DKK3: variants seen among roughly 807,000 people sequenced by gnomAD.
DKK3 encodes the protein dickkopf Wnt signaling pathway inhibitor 3, also known as dickkopf-related protein 3.
In DKK3, 22 loss-of-function variants were observed where a neutral mutation model predicts 33.2. The observed-to-expected ratio is 0.66, with a 90% CI of 0.47 to 0.95. The LOEUF (loss-of-function observed/expected upper bound fraction) is 0.95. Ranked by LOEUF, DKK3 falls within the 40% of genes least tolerant of loss-of-function variation. The probability of loss-of-function intolerance (pLI) is 0.00; values close to 1 mark genes in which losing one functional copy is unlikely to be tolerated. For missense variants in DKK3, 398 were observed against 458.4 expected (o/e 0.87, Z 1.20); for synonymous variants, 194 against 188.8 (o/e 1.03, Z -0.23).
chr11:11,979,345 G>T (rs142394541), intron 3 of DKK3, among the ~76,000 whole-genome samples: 1 of 152,208 alleles, frequency 6.6e-6, no homozygotes, highest in South Asian at 2.1e-4. Context: ...GACCTACAGC[G>T]TCTGGATGCA....
At chr11:11,995,563 T>A (rs1848275134) in intron 3 of DKK3, among the ~76,000 whole-genome samples, 1 of 152,238 alleles carries the variant, frequency 6.6e-6, no homozygotes, top group Non-Finnish European at 1.5e-5. Context: ...AGTTGGATTT[T>A]AAAGAGGATG....
intron 3 of DKK3, among the ~76,000 whole-genome samples, chr11:11,971,084 G>A (rs1014548370): frequency 2.1e-5 from 3 of 143,196 alleles, no homozygotes; most frequent in Non-Finnish European, 4.5e-5. Context: ...ATAGTTAAAT[G>A]TATATGTCCT....
intron 3 of DKK3, among the ~76,000 whole-genome samples, chr11:11,994,126 G>A (rs558976437): frequency 6.6e-6 from 1 of 152,258 alleles, no homozygotes; most frequent in African/African-American, 2.4e-5. Flanking sequence ...GAGGAAAGAC[G>A]CCTGTGCCTG....
intron 3 of DKK3, among the ~76,000 whole-genome samples, chr11:11,977,345 C>G (rs1190797705): frequency 1.3e-5 from 2 of 152,204 alleles, no homozygotes; most frequent in African/African-American, 4.8e-5. Context: ...GGAGCCTTCT[C>G]TCTTTGTCGG....
At chr11:11,982,495 T>C (rs1376773402) in intron 3 of DKK3, among the ~76,000 whole-genome samples, 3 of 152,210 alleles carry the variant, frequency 2.0e-5, no homozygotes, top group Non-Finnish European at 4.4e-5. Flanking sequence ...CAAATAGCAC[T>C]CTGGCTCATG....
rs548980596 is a variant in DKK3, at chr11:12,008,025, C to T, written c.213+345G>A. Among the ~76,000 whole-genome samples the T allele has an allele frequency of 6.6e-6, 1 of 152,326 alleles. No individual in the cohort carries two copies. Among genetic ancestry groups the T allele is most frequent in the African/African-American group, 2.4e-5 (1 of 41,570 alleles). On this transcript the variant is annotated intron_variant, in intron 1 of 6. Transcript: ENST00000683431. The surrounding 1 kb of genome is among the most constrained non-coding windows in gnomAD (Gnocchi z 4.6). ...CCCGGGTTTCTGTGAAACCACAGTG[C>T]TGGAATACCAGGGGCCCTGCAAACC...
At chr11:12,003,735 TA>T (rs1848478476) in intron 1 of DKK3, among the ~76,000 whole-genome samples, 1 of 147,842 alleles carries the variant, frequency 6.8e-6, no homozygotes, top group Non-Finnish European at 1.5e-5. Context: ...GGGCTATTTT[TA>T]TTTTTTTTTT....
intron 1 of DKK3, among the ~76,000 whole-genome samples, chr11:12,006,057 C>T (rs1848529761): frequency 1.3e-5 from 2 of 152,148 alleles, no homozygotes; most frequent in Admixed American, 1.3e-4. Flanking sequence ...TCATGTCATC[C>T]TTACAGCCAC....
intron 2 of DKK3, 132 bp from the exon 3 acceptor site, chr11:11,998,911 C>G: frequency 1.3e-6 from 1 of 741,064 alleles, no homozygotes. Context: ...GCCCACCCCG[C>G]TTTCTTTCTG....
At chr11:11,975,354 C>T (rs554452527) in intron 3 of DKK3, among the ~76,000 whole-genome samples, 4 of 152,308 alleles carry the variant, frequency 2.6e-5, no homozygotes, top group East Asian at 3.9e-4. Context: ...ACCAGAACAG[C>T]GTCTCTTGGC....
chr11:11,987,630 T>G (rs956336910), intron 3 of DKK3, among the ~76,000 whole-genome samples: 1 of 152,218 alleles, frequency 6.6e-6, no homozygotes, highest in African/African-American at 2.4e-5. Context: ...GGTATGGCAG[T>G]GGATGGGCCA....
chr11:11,983,127 A>T (rs1847991586), intron 3 of DKK3, among the ~76,000 whole-genome samples: 1 of 152,174 alleles, frequency 6.6e-6, no homozygotes, highest in South Asian at 2.1e-4. Flanking sequence ...TTGGGGATGG[A>T]TAGAGTTTCT....
upstream of DKK3, chr11:12,009,384 C>G: frequency 2.1e-6 from 2 of 974,914 alleles, no homozygotes; most frequent in Non-Finnish European, 1.2e-6. Flanking sequence ...GCCCCGAGCC[C>G]CGCCCGCCCA....
intron 3 of DKK3, among the ~76,000 whole-genome samples, chr11:11,969,260 C>T (rs778814204): frequency 6.6e-6 from 1 of 152,238 alleles, no homozygotes; most frequent in Non-Finnish European, 1.5e-5. Context: ...GCTCCTGGAC[C>T]TGCTGTCAGG....
chr11:12,006,419 G>A (rs1564927829), intron 1 of DKK3, among the ~76,000 whole-genome samples: 2 of 152,196 alleles, frequency 1.3e-5, no homozygotes. Flanking sequence ...GAACGCCACT[G>A]CCAGTAAGTG....
At chr11:11,982,893 C>T (rs988482373) in intron 3 of DKK3, among the ~76,000 whole-genome samples, 1 of 152,174 alleles carries the variant, frequency 6.6e-6, no homozygotes, top group Non-Finnish European at 1.5e-5. Context: ...TTTACCTGCA[C>T]CCAGATAAGC....
chr11:11,986,396 T>A (rs376734864), intron 3 of DKK3, among the ~76,000 whole-genome samples: 2 of 152,154 alleles, frequency 1.3e-5, no homozygotes, highest in African/African-American at 4.8e-5. Flanking sequence ...TGACACCCCA[T>A]CAGTGGTGAG....
intron 4 of DKK3, among the ~76,000 whole-genome samples, chr11:11,967,939 G>T (rs1017360655): frequency 3.3e-5 from 5 of 152,104 alleles, no homozygotes; most frequent in Non-Finnish European, 5.9e-5. Context: ...CCCTGCCTGG[G>T]GGCTGCCGGA....
At chr11:11,971,572 T>G (rs1482933933) in intron 3 of DKK3, among the ~76,000 whole-genome samples, 1 of 152,202 alleles carries the variant, frequency 6.6e-6, no homozygotes, top group Non-Finnish European at 1.5e-5. Flanking sequence ...AAAACATACA[T>G]TCCATTAATT....
Sources: allele counts gnomAD v4.1 joint callset (sites outside exome capture counted in the v4.1 genomes callset), GRCh38; gene constraint gnomAD v4.1.1; non-coding constraint Gnocchi (gnomAD v3.1); transcripts MANE v1.5; gene names NCBI Gene and HGNC (gene_info 2026-07-23, HGNC 2026-07-21).